KHDC4: variants seen among roughly 807,000 people sequenced by gnomAD.
KHDC4 encodes the protein KH domain containing 4, pre-mRNA splicing factor.
A neutral mutation model predicts 74.5 loss-of-function variants in KHDC4; 19 were observed. The observed-to-expected ratio is 0.26, with a 90% CI of 0.18 to 0.37. The LOEUF (loss-of-function observed/expected upper bound fraction) is 0.37, where lower values mean the gene tolerates loss of function less well. Ranked by LOEUF, KHDC4 falls within the 10% of genes least tolerant of loss-of-function variation. KHDC4 has a pLI of 1.00. For missense variants in KHDC4, 632 were observed against 754.1 expected (o/e 0.84, Z 1.90); for synonymous variants, 253 against 266.1 (o/e 0.95, Z 0.48).
Position 155,917,595 on chromosome 1 carries a change from C to G in KHDC4, c.1344G>C (p.Gln448His), listed in dbSNP as rs769284130. ...GCTGACTTGGGAGTGGGGGCTGGGG[C>G]TGGGGCTGGGGCTGGGGGCCAGCAG... ...ALPAGPQPQPQPQPPLPSQPQ... is the reference protein window; with the variant it reads ...ALPAGPQPQPHPQPPLPSQPQ... The change falls in exon 11 of 14, where the codon CAG becomes CAC. Residue 448 changes from glutamine to histidine, a missense_variant. Physicochemically the swap from Gln to His is conservative, Grantham distance 24 (BLOSUM62 0). This residue lies in a region of KHDC4 where 254 missense variants were observed against 267.4 expected (regional missense o/e 0.95). Coordinates refer to ENST00000368321, the MANE Select transcript of KHDC4 (RefSeq NM_014949.4). 3.9e-5 allele frequency: 22 copies of G among 567,228 alleles called. No homozygotes were observed. Among genetic ancestry groups the G allele is most frequent in the Non-Finnish European group, 5.3e-5 (19 of 358,740 alleles). The allele number at this position is 567,228 out of a possible 1,614,324, so 35.1% of individuals were successfully genotyped here.
At chr1:155,916,550 A>G (rs1673734327) in intron 12 of KHDC4, 75 bp downstream of exon 12, 1 of 951,958 alleles carries the variant, frequency 1.1e-6, no homozygotes, top group Non-Finnish European at 1.6e-6. Context: ...TTAAGCTCAT[A>G]GCAATGATCA....
chr1:155,926,949 T>A, intron 5 of KHDC4, 110 bp from the exon 6 acceptor site: 2 of 1,357,084 alleles, frequency 1.5e-6, no homozygotes, highest in African/African-American at 1.4e-5. Flanking sequence ...CCCAAATATG[T>A]GGCTCTCCAT....
intron 4 of KHDC4, among the ~76,000 whole-genome samples, chr1:155,928,679 G>A (rs965652930): frequency 6.6e-6 from 1 of 151,348 alleles, no homozygotes; most frequent in Admixed American, 6.6e-5. Context: ...AATGCCGGGC[G>A]TGGTGGCTCA....
Position 155,925,612 on chromosome 1 carries a change from C to G in KHDC4, c.893+20G>C. 1 of 1,600,540 alleles carries G rather than the reference C, an allele frequency of 6.2e-7. No homozygotes were observed. The highest frequency in any genetic ancestry group is 8.6e-7 in the Non-Finnish European group (1 of 1,167,750). On this transcript the variant is annotated intron_variant, in intron 7 of 13. Coordinates refer to ENST00000368321, the MANE Select transcript of KHDC4 (RefSeq NM_014949.4). ...CAAGTTGACAAGAATTCACATGTCC[C>G]CTGCCCTATCCATCCATACCTGATG...
intron 7 of KHDC4, among the ~76,000 whole-genome samples, chr1:155,924,100 G>A (rs957778211): frequency 1.3e-5 from 2 of 152,174 alleles, no homozygotes; most frequent in Admixed American, 6.5e-5. Context: ...GGCGGATCAC[G>A]AGGTCAGGAG....
At chr1:155,920,127 A>G (rs1673825041) in intron 10 of KHDC4, 1 of 309,644 alleles carries the variant, frequency 3.2e-6, no homozygotes, top group Admixed American at 3.3e-5. Context: ...CTCTTTTCCT[A>G]AAATTCTACT....
intron 11 of KHDC4, 88 bp from the exon 12 acceptor site, chr1:155,916,825 C>G: frequency 1.2e-6 from 1 of 838,802 alleles, no homozygotes; most frequent in Non-Finnish European, 2.0e-6. Context: ...AGTGCCTCAT[C>G]TTTCTGATAA....
Position 155,933,804 on chromosome 1 carries a change from G to A in KHDC4, c.84C>T (p.Phe28=). 4.4e-6 allele frequency: 7 copies of A among 1,592,002 alleles called. No individual in the cohort carries two copies. The highest frequency in any genetic ancestry group is 6.0e-6 in the Non-Finnish European group (7 of 1,167,818). Residue 28 remains phenylalanine, a synonymous_variant, in exon 2 of 14, where the codon TTC becomes TTT. Coordinates refer to ENST00000368321, the MANE Select transcript of KHDC4 (RefSeq NM_014949.4). ...WDQPAPAPLL[F]LPPAAPGGEV... is the part of the protein sequence containing the mutation. The stretch of plus-strand genomic sequence containing the variant: ...CCCCACCTGGGGCCGCTGGCGGGAG[G>A]AAGAGAAGTGGGGCTGGAGCTGGTT...
intron 8 of KHDC4, 82 bp from the exon 9 acceptor site, chr1:155,922,000 C>A: frequency 2.5e-6 from 2 of 807,694 alleles, no homozygotes; most frequent in South Asian, 3.2e-5. Flanking sequence ...ATTCTAGGAC[C>A]AAAGCCATTA....
At chr1:155,922,718 G>C (rs555425564) in intron 8 of KHDC4, among the ~76,000 whole-genome samples, 1 of 151,988 alleles carries the variant, frequency 6.6e-6, no homozygotes, top group African/African-American at 2.4e-5. Flanking sequence ...ATATTATTAA[G>C]TCCATAACCT....
intron 12 of KHDC4, among the ~76,000 whole-genome samples, chr1:155,916,407 G>A (rs1327164448): frequency 6.6e-6 from 1 of 152,144 alleles, no homozygotes; most frequent in Non-Finnish European, 1.5e-5. Context: ...GTCTGAACAA[G>A]TAATAAATTA....
intron 4 of KHDC4, among the ~76,000 whole-genome samples, chr1:155,927,634 A>C (rs1674033303): frequency 6.6e-6 from 1 of 151,492 alleles, no homozygotes; most frequent in Admixed American, 6.6e-5. Context: ...GCAAAACCCC[A>C]TCTCTACTGA....
intron 4 of KHDC4, among the ~76,000 whole-genome samples, chr1:155,928,322 C>T (rs1331600354): frequency 2.0e-5 from 3 of 151,808 alleles, no homozygotes; most frequent in African/African-American, 7.3e-5. Context: ...TGCAGTGAGC[C>T]GAGATGGCGC....
intron 8 of KHDC4, 148 bp from the exon 9 acceptor site, chr1:155,922,066 A>ATTT (rs34107786): frequency 6.2e-4 from 232 of 376,270 alleles, no homozygotes; most frequent in East Asian, 2.0e-3. Context: ...TTTAACCCAC[A>ATTT]TTTTTTTTTT....
chr1:155,919,012 G>T (rs1241032526), intron 10 of KHDC4, among the ~76,000 whole-genome samples: 1 of 129,742 alleles, frequency 7.7e-6, no homozygotes, highest in African/African-American at 2.9e-5. Flanking sequence ...TTGTCACCCA[G>T]GCTGGAGTGC....
intron 1 of KHDC4, 70 bp from the exon 2 acceptor site, chr1:155,933,919 T>C: frequency 4.9e-6 from 6 of 1,235,958 alleles, no homozygotes; most frequent in Non-Finnish European, 6.6e-6. Context: ...TTACTACGCC[T>C]TAGCACCCCA....
At position 155,921,558 on chromosome 1, in the gene KHDC4, C is replaced by T; in HGVS notation, c.1083G>A (p.Gln361=). The T allele has an allele frequency of 6.2e-7, 1 of 1,614,048 alleles. No individual in the cohort carries two copies. Residue 361 remains glutamine, a synonymous_variant, in exon 10 of 14, where the codon CAG becomes CAA. Transcript: ENST00000368321. ...QPPYYPSNGY[Q]SGYPVVPPPQ... ...GAGGGGGAACAACAGGGTAACCAGA[C>T]TGATAGCCATTGGATGGATAATATG...
Position 155,913,833 on chromosome 1 carries a change from A to C in KHDC4, c.*288T>G. ...CTGACCAGGTCAAATGTGTATGGGA[A>C]CGACCCTGTTAGGATGCTTTGTTGG... On this transcript the variant is annotated 3_prime_UTR_variant, in exon 14 of 14. Transcript: ENST00000368321. The C allele has an allele frequency of 2.6e-6, 1 of 386,860 alleles. No homozygotes were observed. 24.0% of individuals were successfully genotyped at this position (386,860 alleles called of 1,614,324 possible). A position where few individuals can be genotyped will look rare whatever the true frequency, so the allele number is the denominator to read the frequency against.
At chr1:155,923,977 G>A (rs1339849295) in intron 7 of KHDC4, among the ~76,000 whole-genome samples, 2 of 152,094 alleles carry the variant, frequency 1.3e-5, no homozygotes, top group African/African-American at 4.8e-5. Context: ...TATTGACATA[G>A]GTTTAAATGA....
Sources: allele counts gnomAD v4.1 joint callset (sites outside exome capture counted in the v4.1 genomes callset), GRCh38; gene constraint gnomAD v4.1.1; regional missense constraint gnomAD v4.1.1; transcripts MANE v1.5; gene names NCBI Gene and HGNC (gene_info 2026-07-23, HGNC 2026-07-21).